CORO2B: variants seen among roughly 807,000 people sequenced by gnomAD.
The protein encoded by CORO2B is coronin 2B, also known as coronin-2B.
Under a neutral mutation model 58.8 loss-of-function variants are expected in CORO2B, and 26 were observed. The ratio of observed to expected loss-of-function variants is 0.44; its 90% confidence interval spans 0.32 to 0.61. The LOEUF is 0.61. Among genes scored for constraint, CORO2B ranks in the 20% least tolerant of loss-of-function variants. The probability of loss-of-function intolerance (pLI) is 0.04; values close to 1 mark genes in which losing one functional copy is unlikely to be tolerated. For missense variants in CORO2B, 460 were observed against 645.1 expected (o/e 0.71, Z 3.11); for synonymous variants, 242 against 253.8 (o/e 0.95, Z 0.44).
At chr15:68,723,201 A>C (rs1195534340) in intron 11 of CORO2B, among the ~76,000 whole-genome samples, 2 of 147,824 alleles carry the variant, frequency 1.4e-5, no homozygotes, top group African/African-American at 2.5e-5. Flanking sequence ...GACTCACTGC[A>C]ACCTCCACCT....
At chr15:68,605,770 G>A (rs373297198) in intron 1 of CORO2B, among the ~76,000 whole-genome samples, 2 of 145,230 alleles carry the variant, frequency 1.4e-5, no homozygotes, top group Admixed American at 7.0e-5. Context: ...TCGCCCAGGC[G>A]GGAGTGCAGT....
intron 1 of CORO2B, among the ~76,000 whole-genome samples, chr15:68,600,245 G>GA (rs35745262): frequency 6.6e-6 from 1 of 152,172 alleles, no homozygotes; most frequent in Non-Finnish European, 1.5e-5. Context: ...TCTAAAATGT[G>GA]AAAATTGCAC....
intron 1 of CORO2B, among the ~76,000 whole-genome samples, chr15:68,619,942 C>T (rs1269555564): frequency 3.3e-5 from 5 of 152,078 alleles, no homozygotes; most frequent in Admixed American, 1.3e-4. Flanking sequence ...GACAGAGTCT[C>T]ACTCTGTCTC....
chr15:68,560,591 G>A, the CORO2B span, among the ~76,000 whole-genome samples: 604 of 152,208 alleles, frequency 4.0e-3, 16 homozygotes, highest in Non-Finnish European at 1.0e-3. Context: ...GAGCCACCGC[G>A]CCCAGCCTGC....
Position 68,623,418 on chromosome 15 carries a change from G to T in CORO2B, c.16-21742G>T, listed in dbSNP as rs545217737. On this transcript the variant is annotated intron_variant, in intron 1 of 11. Transcript: ENST00000261861. ...GGGAGCCCTGGCAGTGTCCATGCAT[G>T]TGGAAGCCTGACGTGAGTGACAGCC... is the stretch of plus-strand genomic sequence containing the variant. 4.3e-4 allele frequency among the ~76,000 whole-genome samples: 66 copies of T among 152,304 alleles called. 1 individual carries two copies. In the South Asian group the frequency reaches 0.013, roughly 31 times the overall value.
intron 1 of CORO2B, among the ~76,000 whole-genome samples, chr15:68,608,542 G>T (rs2140244024): frequency 6.6e-6 from 1 of 152,362 alleles, no homozygotes; most frequent in South Asian, 2.1e-4. Context: ...GTGTGTGTGT[G>T]TTGGGGGACA....
intron 1 of CORO2B, among the ~76,000 whole-genome samples, chr15:68,625,131 G>A (rs1900639744): frequency 6.6e-6 from 1 of 152,140 alleles, no homozygotes; most frequent in African/African-American, 2.4e-5. Context: ...GGCGGTCCGA[G>A]CATGCCGCTG....
intron 7 of CORO2B, among the ~76,000 whole-genome samples, chr15:68,714,882 T>TA (rs542462159): frequency 1.9e-4 from 29 of 152,302 alleles, no homozygotes; most frequent in South Asian, 8.3e-4. Flanking sequence ...AGCGGGCTTT[T>TA]ACATTGGAAT....
At chr15:68,537,042 A>G in the CORO2B span, among the ~76,000 whole-genome samples, 47 of 152,348 alleles carry the variant, frequency 3.1e-4, no homozygotes, top group African/African-American at 1.1e-3. Flanking sequence ...GCCTCACTGA[A>G]GCACTTTTAT....
chr15:68,606,430 C>G (rs12915441), intron 1 of CORO2B, among the ~76,000 whole-genome samples: 56,095 of 151,992 alleles, frequency 0.37, 11,117 homozygotes, highest in African/African-American at 0.52. Context: ...GGACTGCACT[C>G]ATGGTCCCTG....
chr15:68,694,852 G>C, intron 2 of CORO2B, among the ~76,000 whole-genome samples: 1 of 152,130 alleles, frequency 6.6e-6, no homozygotes, highest in East Asian at 1.9e-4. Context: ...TTGATGCAGG[G>C]GCACCTTTTC....
intron 3 of CORO2B, among the ~76,000 whole-genome samples, chr15:68,700,154 C>T (rs1892606318): frequency 6.6e-6 from 1 of 152,164 alleles, no homozygotes; most frequent in Non-Finnish European, 1.5e-5. Flanking sequence ...CCCATTCCAG[C>T]TGGAATGGTC....
At chr15:68,605,769 C>T (rs997029737) in intron 1 of CORO2B, among the ~76,000 whole-genome samples, 6 of 125,684 alleles carry the variant, frequency 4.8e-5, no homozygotes, top group East Asian at 5.0e-4. Context: ...GTCGCCCAGG[C>T]GGGAGTGCAG....
At chr15:68,520,263 T>C in the CORO2B span, among the ~76,000 whole-genome samples, 1 of 152,230 alleles carries the variant, frequency 6.6e-6, no homozygotes, top group Non-Finnish European at 1.5e-5. Flanking sequence ...CAGCATAGCT[T>C]CTGTGTATGC....
At chr15:68,698,548 C>G (rs563414197) in intron 3 of CORO2B, among the ~76,000 whole-genome samples, 1 of 152,208 alleles carries the variant, frequency 6.6e-6, no homozygotes, top group Non-Finnish European at 1.5e-5. Context: ...CCAAGAGACT[C>G]TGTTCAGTTT....
chr15:68,682,299 C>T lies in CORO2B; in HGVS notation c.217-12841C>T, dbSNP rs79512578. 5.6e-3 allele frequency among the ~76,000 whole-genome samples: 856 copies of T among 152,268 alleles called. 9 individuals carry two copies. The highest frequency in any genetic ancestry group is 0.02 in the African/African-American group (834 of 41,548). Reference sequence around the variant, plus strand: ...CTTGCTCTGGAGTTCGAGAAGAGACCAGCACCGTGGAGACCAATTAGAAGA... The same window carrying T: ...CTTGCTCTGGAGTTCGAGAAGAGACTAGCACCGTGGAGACCAATTAGAAGA... On this transcript the variant is annotated intron_variant, in intron 2 of 11. Transcript: ENST00000261861.
chr15:68,568,361 A>G, the CORO2B span, among the ~76,000 whole-genome samples: 1 of 152,268 alleles, frequency 6.6e-6, no homozygotes, highest in East Asian at 1.9e-4. Flanking sequence ...AGAGTGCCTA[A>G]CACAGTGCCT....
intron 5 of CORO2B, among the ~76,000 whole-genome samples, chr15:68,712,801 G>A (rs1892950417): frequency 6.6e-6 from 1 of 152,094 alleles, no homozygotes; most frequent in South Asian, 2.1e-4. Flanking sequence ...CCTTAGCGAA[G>A]TTGGGAGACT....
chr15:68,579,239 C>G lies in CORO2B; in HGVS notation c.-24C>G. 3.4e-6 allele frequency: 4 copies of G among 1,164,738 alleles called. No individual in the cohort carries two copies. The highest frequency in any genetic ancestry group is 4.2e-6 in the Non-Finnish European group (4 of 943,904). 72.2% of individuals were successfully genotyped at this position (1,164,738 alleles called of 1,614,324 possible). Reference sequence around the variant, plus strand: ...CGCCCCCGCACGCCGCGCCCGCGCCCCCGCTCCGCCGCGGAGTTTCTGCAT... The same window carrying G: ...CGCCCCCGCACGCCGCGCCCGCGCCGCCGCTCCGCCGCGGAGTTTCTGCAT... On this transcript the variant is annotated 5_prime_UTR_variant, in exon 1 of 12. Coordinates refer to ENST00000261861, the MANE Select transcript of CORO2B (RefSeq NM_006091.5).
Sources: allele counts gnomAD v4.1 joint callset (sites outside exome capture counted in the v4.1 genomes callset), GRCh38; gene constraint gnomAD v4.1.1; transcripts MANE v1.5; gene names NCBI Gene and HGNC (gene_info 2026-07-23, HGNC 2026-07-21).